Variants in BLTP1 observed in about 807,000 individuals in gnomAD.
BLTP1 encodes the protein fragile site-associated protein.
the BLTP1 span, among the ~76,000 whole-genome samples, chr4:122,267,253 G>T: frequency 6.6e-6 from 1 of 151,632 alleles, no homozygotes; most frequent in Non-Finnish European, 1.5e-5. Flanking sequence ...TAGAGACGGG[G>T]TTTCACTGTG....
the BLTP1 span, chr4:122,347,698 C>A: frequency 2.5e-6 from 4 of 1,613,778 alleles, no homozygotes; most frequent in East Asian, 2.2e-5. Flanking sequence ...CACCATGTCA[C>A]CAGGGACAGT....
the BLTP1 span, chr4:122,185,055 C>T: frequency 1.0e-6 from 1 of 985,228 alleles, no homozygotes; most frequent in African/African-American, 1.7e-5. Flanking sequence ...AGACTAAATA[C>T]TAGTGAAGTA....
the BLTP1 span, chr4:122,243,087 C>A: frequency 2.5e-6 from 4 of 1,608,508 alleles, no homozygotes; most frequent in African/African-American, 4.0e-5. Flanking sequence ...AAATATCATG[C>A]TTTTAAAGTG....
the BLTP1 span, among the ~76,000 whole-genome samples, chr4:122,321,979 ATTTTTTTTTTTTTTTTTT>A: frequency 1.9e-4 from 5 of 27,020 alleles, no homozygotes; most frequent in African/African-American, 6.5e-4. Context: ...ACTACATGTA[ATTTTTTTTTTTTTTTTTT>A]TTTTTTTTTT....
the BLTP1 span, chr4:122,255,258 A>G: frequency 6.2e-7 from 1 of 1,606,254 alleles, no homozygotes; most frequent in Admixed American, 1.7e-5. Context: ...CAGGCAAATT[A>G]CTCCATCATT....
chr4:122,205,317 C>T, the BLTP1 span, among the ~76,000 whole-genome samples: 3 of 151,800 alleles, frequency 2.0e-5, no homozygotes, highest in Non-Finnish European at 4.4e-5. Flanking sequence ...TCAAACTTTA[C>T]ATAAATCGTC....
the BLTP1 span, chr4:122,334,338 A>G: frequency 5.3e-6 from 8 of 1,519,660 alleles, no homozygotes; most frequent in Admixed American, 1.7e-5. Flanking sequence ...ATTTATTTCA[A>G]TACAGTTGCA....
At chr4:122,162,548 C>T in the BLTP1 span, 1 of 985,352 alleles carries the variant, frequency 1.0e-6, no homozygotes, top group Non-Finnish European at 1.2e-6. Context: ...TCAAATCTTG[C>T]TGAGATGGGG....
At chr4:122,163,816 T>C in the BLTP1 span, among the ~76,000 whole-genome samples, 5 of 152,194 alleles carry the variant, frequency 3.3e-5, no homozygotes, top group Non-Finnish European at 7.3e-5. Flanking sequence ...TTTTAATCCA[T>C]ATAGTGATCT....
chr4:122,296,652 C>T, the BLTP1 span, among the ~76,000 whole-genome samples: 7 of 152,176 alleles, frequency 4.6e-5, no homozygotes, highest in Non-Finnish European at 7.3e-5. Flanking sequence ...CATCACACTA[C>T]CTGACTTCAA....
chr4:122,276,557 C>T, the BLTP1 span: 6 of 985,140 alleles, frequency 6.1e-6, no homozygotes, highest in Non-Finnish European at 7.2e-6. Context: ...ATCTAGAGAG[C>T]CATTTGCATG....
the BLTP1 span, among the ~76,000 whole-genome samples, chr4:122,157,042 C>A: frequency 1.3e-5 from 2 of 151,920 alleles, no homozygotes; most frequent in South Asian, 2.1e-4. Context: ...ATTGCTGACT[C>A]CTGATCTTTT....
the BLTP1 span, chr4:122,207,484 T>C: frequency 2.0e-6 from 3 of 1,516,594 alleles, no homozygotes; most frequent in Non-Finnish European, 2.6e-6. Flanking sequence ...TGAAATTTAA[T>C]GGACATTAAA....
At chr4:122,198,728 A>G in the BLTP1 span, among the ~76,000 whole-genome samples, 1 of 152,114 alleles carries the variant, frequency 6.6e-6, no homozygotes, top group Non-Finnish European at 1.5e-5. Flanking sequence ...GCAAAGAGAA[A>G]ATGGACTTAG....
chr4:122,176,473 GA>G, the BLTP1 span, among the ~76,000 whole-genome samples: 1 of 151,856 alleles, frequency 6.6e-6, no homozygotes, highest in Non-Finnish European at 1.5e-5. Flanking sequence ...ATATAAAATA[GA>G]AAATATTCCA....
the BLTP1 span, among the ~76,000 whole-genome samples, chr4:122,329,637 G>A: frequency 2.0e-5 from 3 of 150,562 alleles, no homozygotes; most frequent in African/African-American, 4.9e-5. Context: ...CGTTGCCTTC[G>A]TAAAAACTAT....
the BLTP1 span, chr4:122,154,140 A>C: frequency 1.1e-6 from 1 of 933,514 alleles, no homozygotes; most frequent in Non-Finnish European, 1.3e-6. Context: ...AGTTTTAAAA[A>C]GGTCAAATTT....
At chr4:122,242,953 A>T in the BLTP1 span, 1 of 1,148,582 alleles carries the variant, frequency 8.7e-7, no homozygotes, top group South Asian at 1.3e-5. Flanking sequence ...TCATAAAATT[A>T]GGGAAATATA....
chr4:122,199,745 A>G, the BLTP1 span: 21 of 228,396 alleles, frequency 9.2e-5, no homozygotes, highest in East Asian at 2.7e-3. Context: ...GCTGGATTAA[A>G]TCTCTTCTAA....
Sources: gnomAD v4.1 joint callset for allele counts (sites outside exome capture counted in the v4.1 genomes callset) on GRCh38, gnomAD v4.1.1 for gene constraint, MANE v1.5 for transcripts, NCBI Gene and HGNC (gene_info 2026-07-23, HGNC 2026-07-21) for gene names.